The following NPHP4 variants were observed in gnomAD, a reference collection of about 807,000 sequenced individuals.
The protein encoded by NPHP4 is nephrocystin 4.
In NPHP4, 151 loss-of-function variants were observed where a neutral mutation model predicts 155.8. The ratio of observed to expected loss-of-function variants is 0.97; its 90% CI spans 0.85 to 1.11. NPHP4 has a LOEUF of 1.11. Among genes scored for constraint, NPHP4 ranks in the 50% least tolerant of loss-of-function variants. The probability of loss-of-function intolerance (pLI) is 0.00; values close to 1 mark genes in which losing one functional copy is unlikely to be tolerated. For synonymous variants in NPHP4, 845 were observed against 816.8 expected (o/e 1.03, Z -0.59); for missense variants, 1,956 against 1,925.7 (o/e 1.02, Z -0.29).
In NPHP4 at chr1:5,863,372, G is replaced by A. The variant is rs1372924658; in HGVS notation, c.4174C>T (p.Gln1392Ter). The A allele has an allele frequency of 6.2e-6, 10 of 1,614,002 alleles. No individual in the cohort carries two copies. Among genetic ancestry groups the A allele is most frequent in the Non-Finnish European group, 7.6e-6 (9 of 1,179,882 alleles). ...GGGETYTIGLQFAPSQRVGEE... is the reference protein window; with the variant it reads ...GGGETYTIGL ...CCCACTCTCTGACTAGGCGCAAACTGCAAGCCGATGGTGTAGGTCTCTCCA... is the reference window on the plus strand; with the variant it reads ...CCCACTCTCTGACTAGGCGCAAACTACAAGCCGATGGTGTAGGTCTCTCCA... The change falls in exon 30 of 30, where the codon CAG (glutamine) becomes TAG (stop). Residue 1392 changes from glutamine to a stop codon, truncating the protein, a stop_gained. Coordinates refer to ENST00000378156, the MANE Select transcript of NPHP4 (RefSeq NM_015102.5). LOFTEE classifies it high-confidence loss of function.
In NPHP4 at chr1:5,865,046, C is replaced by T. The variant is rs1187048619; in HGVS notation, c.3816+56G>A. On this transcript the variant is annotated intron_variant, in intron 27 of 29. Coordinates refer to ENST00000378156, the MANE Select transcript of NPHP4 (RefSeq NM_015102.5). Reference sequence around the variant, plus strand: ...TGTGCTCCAGCTGAATGCCCACTGCCCGTCTCCAGGCTGGGGTTGGGGAGA... The same window carrying T: ...TGTGCTCCAGCTGAATGCCCACTGCTCGTCTCCAGGCTGGGGTTGGGGAGA... 5.7e-6 allele frequency: 9 copies of T among 1,567,632 alleles called. No individual in the cohort carries two copies. The African/African-American group carries it at 1.1e-4, about 19-fold the overall frequency.
At chr1:5,876,681 A>G (rs1642641516) in intron 20 of NPHP4, among the ~76,000 whole-genome samples, 1 of 152,192 alleles carries the variant, frequency 6.6e-6, no homozygotes, top group Admixed American at 6.5e-5. Flanking sequence ...CAAAATATTA[A>G]AAGTTCTATT....
At chr1:5,914,286 A>AAAAAAAAG (rs70977991) in intron 11 of NPHP4, among the ~76,000 whole-genome samples, 8 of 139,926 alleles carry the variant, frequency 5.7e-5, no homozygotes, top group African/African-American at 2.1e-4. Context: ...AAAAAAAAAA[A>AAAAAAAAG]GGCCTGGTGT....
chr1:5,946,871 G>C (rs1431966244), intron 9 of NPHP4, among the ~76,000 whole-genome samples: 1 of 152,258 alleles, frequency 6.6e-6, no homozygotes, highest in Non-Finnish European at 1.5e-5. Context: ...GCGGTGCCCA[G>C]GAGGGCATGG....
intron 6 of NPHP4, among the ~76,000 whole-genome samples, chr1:5,954,386 G>A (rs1007080397): frequency 1.3e-5 from 2 of 152,192 alleles, no homozygotes; most frequent in Non-Finnish European, 2.9e-5. Flanking sequence ...GATAGCGATG[G>A]TATTTAAAAG....
chr1:5,989,680 C>T (rs2102483060), intron 1 of NPHP4, among the ~76,000 whole-genome samples: 1 of 152,294 alleles, frequency 6.6e-6, no homozygotes, highest in East Asian at 1.9e-4. Context: ...CCGTGATGGC[C>T]CCAGGTGGGG....
intron 4 of NPHP4, among the ~76,000 whole-genome samples, chr1:5,968,747 G>T (rs1200661022): frequency 6.6e-6 from 1 of 152,082 alleles, no homozygotes; most frequent in Admixed American, 6.6e-5. Context: ...GCTGGAATCT[G>T]GCCAGGCGCA....
In NPHP4 at chr1:5,944,528, A is replaced by G. The variant is rs1570566665; in HGVS notation, c.1119+2576T>C. ...CCGGTGGATGCTTAACCCACTTCCA[A>G]TGGTTCCGCACAGGAAGCAATTTTT... On this transcript the variant is annotated intron_variant, in intron 9 of 29. Transcript: ENST00000378156. The surrounding 1 kb of genome is among the most constrained non-coding windows in gnomAD (Gnocchi z 4.3). Among the ~76,000 whole-genome samples, 8 of 152,152 alleles carry G rather than the reference A, an allele frequency of 5.3e-5. No homozygotes were observed. Among genetic ancestry groups the G allele is most frequent in the Non-Finnish European group, 1.2e-4 (8 of 68,018 alleles).
chr1:5,928,435 TGTACCA>T (rs376387625), intron 10 of NPHP4, among the ~76,000 whole-genome samples: 203 of 152,380 alleles, frequency 1.3e-3, no homozygotes, highest in African/African-American at 4.7e-3. Flanking sequence ...ATTGTACGGA[TGTACCA>T]GTTTATTTAT....
chr1:5,940,840 C>A (rs1220915268), intron 9 of NPHP4, among the ~76,000 whole-genome samples: 1 of 152,116 alleles, frequency 6.6e-6, no homozygotes, highest in Non-Finnish European at 1.5e-5. Flanking sequence ...TTGGTTAGGG[C>A]AACTAAACAT....
chr1:5,875,227 C>T (rs985463076), intron 20 of NPHP4, 127 bp from the exon 21 acceptor site: 6 of 760,322 alleles, frequency 7.9e-6, no homozygotes, highest in African/African-American at 6.8e-5. Flanking sequence ...GCCACCACCA[C>T]CCCCTTCCTT....
rs966193355 is a variant in NPHP4, at chr1:5,944,790, G to T, written c.1119+2314C>A. 2.0e-5 allele frequency among the ~76,000 whole-genome samples: 3 copies of T among 152,120 alleles called. No homozygotes were observed. Reference sequence around the variant, plus strand: ...TCTGAGACCTGCCTGGCCAACGTGGGAAAACCCCGTCTCTATTAAAAATAC... The same window carrying T: ...TCTGAGACCTGCCTGGCCAACGTGGTAAAACCCCGTCTCTATTAAAAATAC... On this transcript the variant is annotated intron_variant, in intron 9 of 29. Transcript: ENST00000378156. This position sits in a 1 kb window ranked among gnomAD's most constrained non-coding sequence, Gnocchi z 4.3.
chr1:5,870,934 C>A (rs1266631720), intron 23 of NPHP4, among the ~76,000 whole-genome samples: 1 of 152,226 alleles, frequency 6.6e-6, no homozygotes. Context: ...CTATCAAGTG[C>A]TGGGACATTT....
rs764410157 is a variant in NPHP4 at position 5,933,316 on chromosome 1, G to T, written c.1133C>A (p.Thr378Asn). 6.2e-7 allele frequency: 1 copy of T among 1,612,866 alleles called. No homozygotes were observed. The highest frequency in any genetic ancestry group is 8.5e-7 in the Non-Finnish European group (1 of 1,179,742). Reference sequence around the variant, plus strand: ...CATGCATGCCAGGTTGGACAGAGAGGTGACCGAAGCTGCCTAGAATTAAAA... The same window carrying T: ...CATGCATGCCAGGTTGGACAGAGAGTTGACCGAAGCTGCCTAGAATTAAAA... Reference protein sequence around the residue: ...AGVDGNAASVTSLSNLACMHM... With the variant: ...AGVDGNAASVNSLSNLACMHM... Residue 378 changes from threonine (T) to asparagine (N), a missense_variant, in exon 10 of 30, where the codon ACC becomes AAC. Coordinates refer to ENST00000378156, the MANE Select transcript of NPHP4 (RefSeq NM_015102.5).
chr1:5,898,328 G>C (rs1488139825), intron 16 of NPHP4, among the ~76,000 whole-genome samples: 1 of 152,216 alleles, frequency 6.6e-6, no homozygotes, highest in South Asian at 2.1e-4. Flanking sequence ...CCACGCCCTC[G>C]GCAGAGCCCC....
At chr1:5,878,955 A>C (rs1642904939) in intron 19 of NPHP4, among the ~76,000 whole-genome samples, 1 of 152,252 alleles carries the variant, frequency 6.6e-6, no homozygotes, top group Non-Finnish European at 1.5e-5. Flanking sequence ...GCACTGGCCA[A>C]GTCACCTGAC....
At chr1:5,868,286 T>C (rs1478974657) in intron 23 of NPHP4, 1 of 344,480 alleles carries the variant, frequency 2.9e-6, no homozygotes, top group East Asian at 7.6e-5. Flanking sequence ...GGTCCTGGAG[T>C]GGGTGGTGGC....
intron 23 of NPHP4, among the ~76,000 whole-genome samples, chr1:5,872,000 C>T (rs939196579): frequency 4.1e-4 from 61 of 147,078 alleles, no homozygotes; most frequent in African/African-American, 1.3e-3. Context: ...ATATTTCTGA[C>T]GTAAAGATTA....
intron 3 of NPHP4, among the ~76,000 whole-genome samples, chr1:5,976,046 G>A (rs1240290958): frequency 2.0e-5 from 3 of 152,148 alleles, no homozygotes; most frequent in African/African-American, 7.2e-5. Context: ...TGACTGCAAG[G>A]CATCCCTGGT....
Sources: allele counts gnomAD v4.1 joint callset (sites outside exome capture counted in the v4.1 genomes callset), GRCh38; gene constraint gnomAD v4.1.1; non-coding constraint Gnocchi (gnomAD v3.1); transcripts MANE v1.5; gene names NCBI Gene and HGNC (gene_info 2026-07-23, HGNC 2026-07-21).